The following BBLN variants were observed in gnomAD, a reference collection of about 807,000 sequenced individuals.
BBLN encodes bublin coiled-coil protein.
BBLN carries 6 observed loss-of-function variants against 7.6 expected under a neutral mutation model. That is an observed-to-expected ratio of 0.79 (90% CI 0.43 to 1.55). The LOEUF (loss-of-function observed/expected upper bound fraction) is 1.55. BBLN is among the 40% of genes most tolerant of loss of function. The pLI is 0.01. For synonymous variants in BBLN, 35 were observed against 46.7 expected, an observed-to-expected ratio of 0.75 and a Z score of 1.02; for missense variants, 100 against 111.1, an observed-to-expected ratio of 0.90 and a Z score of 0.45.
intron 1 of BBLN, among the ~76,000 whole-genome samples, chr9:128,160,780 C>T (rs1829245993): frequency 6.6e-6 from 1 of 152,130 alleles, no homozygotes; most frequent in Admixed American, 6.5e-5. Context: ...TGGGGGAGAC[C>T]GAGGCACCTG....
chr9:128,163,646 C>T lies in BBLN; in HGVS notation c.*31C>T, dbSNP rs548026235. ...AAGAGCCCCCAACCGGGACCCAACC[C>T]TGCCTCCCTGGGCTAGGCTCTGGCC... On this transcript the variant is annotated 3_prime_UTR_variant, in exon 2 of 2. Transcript: ENST00000372994. The surrounding 1 kb of genome is among the most constrained non-coding windows in gnomAD (Gnocchi z 5.7). 3 of 1,452,694 alleles carry T rather than the reference C, an allele frequency of 2.1e-6. No homozygotes were observed. Among genetic ancestry groups the T allele is most frequent in the South Asian group, 1.4e-5 (1 of 70,722 alleles). 90.0% of individuals were successfully genotyped at this position (1,452,694 alleles called of 1,614,324 possible).
At chr9:128,160,704 G>A (rs1419603660) in intron 1 of BBLN, among the ~76,000 whole-genome samples, 1 of 152,254 alleles carries the variant, frequency 6.6e-6, no homozygotes, top group African/African-American at 2.4e-5. Flanking sequence ...TTTACAGATG[G>A]GGAAACTAAG....
chr9:128,162,714 C>T (rs1412200157), intron 1 of BBLN: 1 of 153,206 alleles, frequency 6.5e-6, no homozygotes. Flanking sequence ...GGAAACATAA[C>T]AGCACTCAGA....
chr9:128,161,979 CTTT>C (rs1564228643), intron 1 of BBLN: 1 of 152,216 alleles, frequency 6.6e-6, no homozygotes. Flanking sequence ...TCCTCACAAC[CTTT>C]TTTATTTTCC....
rs765391228 is a variant in BBLN, at chr9:128,163,502, GAGA to G, written c.144_146del (p.Lys48del). ...CAACTCCTGTCTGGACCACCTGGAG[GAGA>G]AGAATGACCACCTCCACGCCCGCCT... is the stretch of plus-strand genomic sequence containing the variant. On this transcript the variant is annotated inframe_deletion, in exon 2 of 2. Transcript: ENST00000372994. This position sits in a 1 kb window ranked among gnomAD's most constrained non-coding sequence, Gnocchi z 5.7. The G allele has an allele frequency of 1.1e-5, 18 of 1,612,354 alleles. No homozygotes were observed. Among genetic ancestry groups the G allele is most frequent in the Middle Eastern group, 1.7e-4 (1 of 6,054 alleles).
chr9:128,160,534 C>T, intron 1 of BBLN, 48 bp downstream of exon 1: 1 of 1,176,176 alleles, frequency 8.5e-7, no homozygotes, highest in South Asian at 2.5e-5. Flanking sequence ...CAGGGCTGCC[C>T]TCCCGGGAAG....
In BBLN at chr9:128,163,398, C is replaced by T; in HGVS notation, c.80-45C>T. The stretch of plus-strand genomic sequence containing the variant: ...GTGGAGGGAGGGTGTCCATTAGCCC[C>T]AAGGAGACACAGGATCTGGGCTCTG... On this transcript the variant is annotated intron_variant, in intron 1 of 1. Coordinates refer to ENST00000372994, the MANE Select transcript of BBLN (RefSeq NM_024112.4). The surrounding 1 kb of genome is among the most constrained non-coding windows in gnomAD (Gnocchi z 5.7). The T allele has an allele frequency of 6.8e-7, 1 of 1,479,704 alleles. No individual in the cohort carries two copies. Among genetic ancestry groups the T allele is most frequent in the Non-Finnish European group, 9.0e-7 (1 of 1,108,546 alleles). 91.7% of individuals were successfully genotyped at this position (1,479,704 alleles called of 1,614,324 possible).
chr9:128,162,489 G>A (rs1404062084), intron 1 of BBLN: 1 of 152,622 alleles, frequency 6.6e-6, no homozygotes, highest in Non-Finnish European at 1.5e-5. Flanking sequence ...GGAGACCAGG[G>A]AAGGCTTCTT....
intron 1 of BBLN, among the ~76,000 whole-genome samples, 188 bp downstream of exon 1, chr9:128,160,674 C>T (rs1206932419): frequency 6.6e-6 from 1 of 152,260 alleles, no homozygotes; most frequent in Non-Finnish European, 1.5e-5. Flanking sequence ...CCCGTGAGAG[C>T]TGCAGGTCAC....
Position 128,160,391 on chromosome 9 carries a change from G to A in BBLN, c.-17G>A. 2 of 1,250,016 alleles carry A rather than the reference G, an allele frequency of 1.6e-6. No homozygotes were observed. Among genetic ancestry groups the A allele is most frequent in the Non-Finnish European group, 2.0e-6 (2 of 991,388 alleles). 77.4% of individuals were successfully genotyped at this position (1,250,016 alleles called of 1,614,324 possible). ...GCGTTCCATCGTCGCGCGGCCCTTC[G>A]GGCGCCCGAGCCCGCAATGTCGGGC... On this transcript the variant is annotated 5_prime_UTR_variant, in exon 1 of 2. Coordinates refer to ENST00000372994, the MANE Select transcript of BBLN (RefSeq NM_024112.4).
At position 128,160,331 on chromosome 9, in the gene BBLN, T is replaced by G; in HGVS notation, c.-77T>G. 1.2e-6 allele frequency: 1 copy of G among 853,596 alleles called. No homozygotes were observed. Among genetic ancestry groups the G allele is most frequent in the Non-Finnish European group, 1.6e-6 (1 of 638,864 alleles). The allele number at this position is 853,596 out of a possible 1,614,324, so 52.9% of individuals were successfully genotyped here. A position where few individuals can be genotyped will look rare whatever the true frequency, so the allele number is the denominator to read the frequency against. Reference sequence around the variant, plus strand: ...CGTGTTCTATCCGCCGCCTCCACCTTCCATCCGGCGCCGGCTTTCGGCGCG... The same window carrying G: ...CGTGTTCTATCCGCCGCCTCCACCTGCCATCCGGCGCCGGCTTTCGGCGCG... On this transcript the variant is annotated 5_prime_UTR_variant, in exon 1 of 2. Coordinates refer to ENST00000372994, the MANE Select transcript of BBLN (RefSeq NM_024112.4).
intron 1 of BBLN, among the ~76,000 whole-genome samples, chr9:128,161,547 T>C (rs1829254123): frequency 6.6e-6 from 1 of 152,168 alleles, no homozygotes; most frequent in African/African-American, 2.4e-5. Context: ...GCCTCCCCAA[T>C]TCCTCCTCCT....
At chr9:128,161,353 G>A (rs1175376617) in intron 1 of BBLN, among the ~76,000 whole-genome samples, 1 of 152,214 alleles carries the variant, frequency 6.6e-6, no homozygotes, top group Non-Finnish European at 1.5e-5. Context: ...AGGTAGCTCT[G>A]CATTGGGCAA....
chr9:128,162,093 C>A (rs1409099690), intron 1 of BBLN: 1 of 152,256 alleles, frequency 6.6e-6, no homozygotes, highest in Non-Finnish European at 1.5e-5. Context: ...TCGGCTGTTA[C>A]CAACCTGGAG....
In BBLN at chr9:128,163,554, G is replaced by A. The variant is rs11547072; in HGVS notation, c.191G>A (p.Arg64Gln). The change falls in exon 2 of 2, where the codon CGG becomes CAG. Residue 64 changes from arginine (R) to glutamine (Q), a missense_variant. Physicochemically the swap from Arg to Gln is conservative, Grantham distance 43 (BLOSUM62 1). Coordinates refer to ENST00000372994, the MANE Select transcript of BBLN (RefSeq NM_024112.4). The surrounding 1 kb of genome is among the most constrained non-coding windows in gnomAD (Gnocchi z 5.7). ...CTCCAGGAGCTGCTGGAGTCCAACC[G>A]GCAGACACGCCTGGAGTTCCAGCAG... is the stretch of plus-strand genomic sequence containing the variant. ...ARLQELLESN[R>Q]QTRLEFQQQL... The A allele has an allele frequency of 3.7e-5, 60 of 1,608,412 alleles. No homozygotes were observed. The highest frequency in any genetic ancestry group is 3.4e-4 in the Admixed American group (20 of 59,388).
In BBLN at chr9:128,163,680, C is replaced by A. The variant is rs1829278476; in HGVS notation, c.*65C>A. 1.5e-6 allele frequency: 2 copies of A among 1,320,696 alleles called. No individual in the cohort carries two copies. The highest frequency in any genetic ancestry group is 2.8e-5 in the East Asian group (1 of 35,570). The allele number at this position is 1,320,696 out of a possible 1,614,324, so 81.8% of individuals were successfully genotyped here. On this transcript the variant is annotated 3_prime_UTR_variant, in exon 2 of 2. Transcript: ENST00000372994. This position sits in a 1 kb window ranked among gnomAD's most constrained non-coding sequence, Gnocchi z 5.7. ...TGGGCTAGGCTCTGGCCTGGGCACTCACCCCCTGGCTTAGACACCTTCTCA... is the reference window on the plus strand; with the variant it reads ...TGGGCTAGGCTCTGGCCTGGGCACTAACCCCCTGGCTTAGACACCTTCTCA...
intron 1 of BBLN, chr9:128,162,583 G>A (rs1386966799): frequency 2.0e-5 from 3 of 152,358 alleles, no homozygotes; most frequent in African/African-American, 7.2e-5. Context: ...CAATGGCGGA[G>A]AGGCTGGAAA....
intron 1 of BBLN, 39 bp downstream of exon 1, chr9:128,160,525 A>G: frequency 8.3e-7 from 1 of 1,203,452 alleles, no homozygotes. Flanking sequence ...TTGCATTTTC[A>G]GGGCTGCCCT....
Position 128,160,416 on chromosome 9 carries a change from C to A in BBLN, c.9C>A (p.Gly3=). ...GGGCGCCCGAGCCCGCAATGTCGGG[C>A]CCCAACGGAGACCTGGGGATGCCGG... is the stretch of plus-strand genomic sequence containing the variant. The part of the protein sequence containing the change: MS[G]PNGDLGMPVE... Residue 3 remains glycine, a synonymous_variant, in exon 1 of 2, where the codon GGC becomes GGA. Coordinates refer to ENST00000372994, the MANE Select transcript of BBLN (RefSeq NM_024112.4). 2 of 1,266,168 alleles carry A rather than the reference C, an allele frequency of 1.6e-6. No individual in the cohort carries two copies. Among genetic ancestry groups the A allele is most frequent in the African/African-American group, 3.1e-5 (2 of 64,610 alleles). The allele number at this position is 1,266,168 out of a possible 1,614,324, so 78.4% of individuals were successfully genotyped here.
Sources: gnomAD v4.1 joint callset for allele counts (sites outside exome capture counted in the v4.1 genomes callset) on GRCh38, gnomAD v4.1.1 for gene constraint, Gnocchi (gnomAD v3.1) non-coding constraint, MANE v1.5 for transcripts, NCBI Gene and HGNC (gene_info 2026-07-23, HGNC 2026-07-21) for gene names.